HSPG2: variants seen among roughly 807,000 people sequenced by gnomAD.
The protein encoded by HSPG2 is basement membrane-specific heparan sulfate proteoglycan core protein.
In HSPG2, 278 loss-of-function variants were observed where a neutral mutation model predicts 526.6. That is an observed-to-expected ratio of 0.53 (90% CI 0.48 to 0.58). HSPG2 has a LOEUF of 0.58. Ranked by LOEUF, HSPG2 falls within the 20% of genes least tolerant of loss-of-function variation. The pLI, the probability that HSPG2 is intolerant of heterozygous loss-of-function variation, is 0.00. For synonymous variants in HSPG2, 2,465 were observed against 2,555.4 expected (o/e 0.96, Z 1.07); for missense variants, 5,354 against 6,099.5 (o/e 0.88, Z 4.07).
chr1:21,869,521 G>T, intron 33 of HSPG2: 1 of 988,258 alleles, frequency 1.0e-6, no homozygotes, highest in Non-Finnish European at 1.2e-6. Flanking sequence ...GGAGGAGGAA[G>T]AAGAAGGAGG....
chr1:21,851,461 G>A, intron 55 of HSPG2, 85 bp downstream of exon 55: 3 of 1,595,626 alleles, frequency 1.9e-6, no homozygotes, highest in Non-Finnish European at 2.6e-6. Flanking sequence ...CTGATCTCAG[G>A]GGAGCCTCTA....
intron 33 of HSPG2, among the ~76,000 whole-genome samples, chr1:21,867,144 T>G (rs2152739304): frequency 7.6e-6 from 1 of 132,346 alleles, no homozygotes; most frequent in African/African-American, 2.9e-5. Flanking sequence ...TAAATAGAGA[T>G]GGGGTCTCCC....
chr1:21,912,999 G>T (rs939477696), intron 1 of HSPG2, among the ~76,000 whole-genome samples: 3 of 151,750 alleles, frequency 2.0e-5, no homozygotes, highest in Non-Finnish European at 2.9e-5. Flanking sequence ...AAAAAAGCTG[G>T]ATTATGTATA....
At position 21,852,222 on chromosome 1, in the gene HSPG2, G is replaced by A; in HGVS notation, c.6736C>T (p.Pro2246Ser). 1 of 1,614,086 alleles carries A rather than the reference G, an allele frequency of 6.2e-7. No homozygotes were observed. The highest frequency in any genetic ancestry group is 8.5e-7 in the Non-Finnish European group (1 of 1,180,044). ...GAGGATGAAGACTCGATCCTGACAG[G>A]TGGGATGGGTCCTGCAGCAGTGGGG... ...EASVIPGPIP[P>S]VRIESSSSTV... Residue 2246 changes from proline to serine, a missense_variant, in exon 53 of 97, where the codon CCT (proline) becomes TCT (serine). Physicochemically the swap from Pro to Ser is moderately conservative, Grantham distance 74 (BLOSUM62 -1). Coordinates refer to ENST00000374695, the MANE Select transcript of HSPG2 (RefSeq NM_005529.7).
At chr1:21,834,366 C>T (rs1455999049) in intron 77 of HSPG2, among the ~76,000 whole-genome samples, 2 of 152,208 alleles carry the variant, frequency 1.3e-5, no homozygotes, top group African/African-American at 4.8e-5. Context: ...GGTTATGTCT[C>T]TGCCCTCAGA....
intron 1 of HSPG2, among the ~76,000 whole-genome samples, chr1:21,931,401 C>A (rs780103112): frequency 1.3e-5 from 2 of 152,206 alleles, no homozygotes; most frequent in Admixed American, 1.3e-4. Context: ...AAGGCCCAGG[C>A]GGAAGCAACA....
intron 64 of HSPG2, 54 bp from the exon 65 acceptor site, chr1:21,844,353 C>A (rs1172366638): frequency 1.3e-5 from 21 of 1,566,228 alleles, no homozygotes; most frequent in South Asian, 1.1e-5. Flanking sequence ...ATGCCCTCAG[C>A]CCTTCCCCTG....
chr1:21,839,037 C>T lies in HSPG2; in HGVS notation c.9938G>A (p.Gly3313Glu). 1.3e-6 allele frequency: 2 copies of T among 1,599,574 alleles called. No individual in the cohort carries two copies. Among genetic ancestry groups the T allele is most frequent in the African/African-American group, 1.3e-5 (1 of 74,762 alleles). Residue 3313 changes from glycine (G) to glutamate (E), a missense_variant, in exon 74 of 97, where the codon GGG (glycine) becomes GAG (glutamate). By Grantham distance (98) the Gly-to-Glu change is moderately conservative (BLOSUM62 -2). Transcript: ENST00000374695. This position sits in a 1 kb window ranked among gnomAD's most constrained non-coding sequence, Gnocchi z 4.5. Reference protein sequence around the residue: ...TVPEHASVQAGETVQLQCLAH... With the variant: ...TVPEHASVQAEETVQLQCLAH... ...CAGGCACTGGAGCTGCACCGTCTCC[C>T]CTGCCTGCACCGAAGCGTGCTCTGG...
chr1:21,883,722 T>C (rs1382790064), intron 13 of HSPG2, among the ~76,000 whole-genome samples: 1 of 152,200 alleles, frequency 6.6e-6, no homozygotes, highest in Non-Finnish European at 1.5e-5. Context: ...CTACATGCAT[T>C]TAATCCTCTG....
intron 21 of HSPG2, among the ~76,000 whole-genome samples, chr1:21,877,194 G>T (rs548841585): frequency 2.2e-4 from 33 of 152,240 alleles, no homozygotes; most frequent in African/African-American, 7.7e-4. Context: ...CTGCCAGGGG[G>T]TTCACCAATA....
intron 1 of HSPG2, among the ~76,000 whole-genome samples, chr1:21,907,279 C>T (rs1270740726): frequency 6.6e-6 from 1 of 152,164 alleles, no homozygotes; most frequent in South Asian, 2.1e-4. Context: ...CTCCCAGGGC[C>T]GGCGACCATG....
At chr1:21,933,722 T>G (rs1644408359) in intron 1 of HSPG2, among the ~76,000 whole-genome samples, 1 of 152,232 alleles carries the variant, frequency 6.6e-6, no homozygotes, top group African/African-American at 2.4e-5. Context: ...CCCTTCCAGC[T>G]TCTACCCTGC....
chr1:21,880,820 C>T lies in HSPG2; in HGVS notation c.1834G>A (p.Gly612Ser), dbSNP rs768946900. ...TAGCGCACGTTGTAACGCAGGGAGC[C>T]GCCATAGGAGTCCACCTGGCACAAC... ...FLGNKVDSYG[G>S]SLRYNVRYEL... The change falls in exon 15 of 97, where the codon GGC becomes AGC. Residue 612 changes from glycine (G) to serine (S), a missense_variant. Coordinates refer to ENST00000374695, the MANE Select transcript of HSPG2 (RefSeq NM_005529.7). 1.9e-5 allele frequency: 31 copies of T among 1,594,192 alleles called. No individual in the cohort carries two copies. The highest frequency in any genetic ancestry group is 1.9e-4 in the Admixed American group (11 of 57,392).
In HSPG2 at chr1:21,855,442, G is replaced by A. The variant is rs750185167; in HGVS notation, c.5859C>T (p.Gly1953=). The change falls in exon 47 of 97, where the codon GGC becomes GGT. Residue 1953 remains glycine (G), a synonymous_variant. Coordinates refer to ENST00000374695, the MANE Select transcript of HSPG2 (RefSeq NM_005529.7). ...VARAVLHVHG[G]GGPRVQVSPE... is the part of the protein sequence containing the mutation. ...GGCTCACTTGGACTCTGGGCCCACC[G>A]CCCCCTGCAGACAGAGTCCTGTGAG... The A allele has an allele frequency of 2.5e-6, 4 of 1,613,002 alleles. No individual in the cohort carries two copies. The highest frequency in any genetic ancestry group is 1.7e-4 in the Middle Eastern group (1 of 6,056).
chr1:21,889,190 A>G (rs2152764574), intron 6 of HSPG2, among the ~76,000 whole-genome samples: 1 of 152,274 alleles, frequency 6.6e-6, no homozygotes, highest in South Asian at 2.1e-4. Context: ...TCTGAGTTCC[A>G]CTGAGTCAGG....
chr1:21,828,126 G>T lies in HSPG2; in HGVS notation c.12436C>A (p.Pro4146Thr), dbSNP rs368114322. 6.2e-7 allele frequency: 1 copy of T among 1,613,094 alleles called. No homozygotes were observed. Among genetic ancestry groups the T allele is most frequent in the East Asian group, 2.2e-5 (1 of 44,856 alleles). Residue 4146 changes from proline to threonine, a missense_variant, in exon 90 of 97, where the codon CCC (proline) becomes ACC (threonine). Pro to Thr is a conservative substitution (Grantham distance 38, BLOSUM62 -1). Transcript: ENST00000374695. This position sits in a 1 kb window ranked among gnomAD's most constrained non-coding sequence, Gnocchi z 6.0. Reference protein sequence around the residue: ...KGDLCEHEENPCQLREPCLHG... With the variant: ...KGDLCEHEENTCQLREPCLHG... ...AGACAGGGTTCACGGAGCTGGCAGG[G>T]GTTCTCCTCGTGCTCACACAGGTCT...
intron 1 of HSPG2, among the ~76,000 whole-genome samples, chr1:21,901,140 C>T (rs184702230): frequency 3.3e-5 from 5 of 152,124 alleles, no homozygotes; most frequent in Admixed American, 6.5e-5. Flanking sequence ...CTGAGGCTTT[C>T]GGTCAAGAAA....
chr1:21,868,485 C>CTCTGTCCA (rs1640408271), intron 33 of HSPG2, among the ~76,000 whole-genome samples: 1 of 152,012 alleles, frequency 6.6e-6, no homozygotes, highest in Admixed American at 6.5e-5. Context: ...GGACAGGGAG[C>CTCTGTCCA]TCTGGGAGGC....
At chr1:21,837,034 G>A (rs1038814361) in intron 74 of HSPG2, 28 bp from the exon 75 acceptor site, 1 of 1,537,286 alleles carries the variant, frequency 6.5e-7, no homozygotes, top group Admixed American at 2.0e-5. Context: ...AGGTTCTGCA[G>A]GTATATGTGT....
Sources: allele counts gnomAD v4.1 joint callset (sites outside exome capture counted in the v4.1 genomes callset), GRCh38; gene constraint gnomAD v4.1.1; non-coding constraint Gnocchi (gnomAD v3.1); transcripts MANE v1.5; gene names NCBI Gene and HGNC (gene_info 2026-07-23, HGNC 2026-07-21).